CAMTA1: variants seen among roughly 807,000 people sequenced by gnomAD.
CAMTA1 encodes calmodulin-binding transcription activator 1.
CAMTA1 carries 27 observed loss-of-function variants against 170.9 expected under a neutral mutation model. The observed-to-expected ratio is 0.16, with a 90% confidence interval of 0.12 to 0.22. CAMTA1 has a LOEUF of 0.22. CAMTA1 is among the 10% of genes least tolerant of loss of function. The pLI is 1.00. For synonymous variants in CAMTA1, 833 were observed against 891.5 expected (o/e 0.93, Z 1.17); for missense variants, 1,619 against 2,217.2 (o/e 0.73, Z 5.42).
At chr1:7,411,697 G>C (rs2090770989) in intron 5 of CAMTA1, among the ~76,000 whole-genome samples, 1 of 152,096 alleles carries the variant, frequency 6.6e-6, no homozygotes, top group Non-Finnish European at 1.5e-5. Flanking sequence ...CTCAACAAAT[G>C]TGGCTGAATG....
At chr1:7,165,460 C>T (rs367762961) in intron 4 of CAMTA1, among the ~76,000 whole-genome samples, 81 of 152,220 alleles carry the variant, frequency 5.3e-4, no homozygotes, top group African/African-American at 1.8e-3. Context: ...GAGACGGAGT[C>T]TCACTCTGTC....
At chr1:6,787,771 GCCTGCCCATACGCA>G (rs1347822732) in intron 1 of CAMTA1, among the ~76,000 whole-genome samples, 21 of 152,358 alleles carry the variant, frequency 1.4e-4, no homozygotes, top group Admixed American at 1.3e-3. Flanking sequence ...AGCGTACAGT[GCCTGCCCATACGCA>G]TCGCAACTTT....
At chr1:7,730,133 C>T (rs187929460) in intron 11 of CAMTA1, among the ~76,000 whole-genome samples, 11 of 152,258 alleles carry the variant, frequency 7.2e-5, no homozygotes, top group African/African-American at 2.6e-4. Context: ...GATTAACAGC[C>T]CTCTGAGGTA....
intron 1 of CAMTA1, among the ~76,000 whole-genome samples, chr1:6,813,011 G>T (rs1645366617): frequency 6.6e-6 from 1 of 152,184 alleles, no homozygotes; most frequent in South Asian, 2.1e-4. Flanking sequence ...TAGGAAGTCG[G>T]CTACCTACCA....
chr1:6,920,017 AAATC>A (rs1367901078), intron 3 of CAMTA1, among the ~76,000 whole-genome samples: 1 of 152,148 alleles, frequency 6.6e-6, no homozygotes. Context: ...TTACATTTCA[AAATC>A]AATCATGCCA....
At chr1:7,027,358 G>A (rs1702161219) in intron 3 of CAMTA1, among the ~76,000 whole-genome samples, 1 of 152,094 alleles carries the variant, frequency 6.6e-6, no homozygotes, top group Non-Finnish European at 1.5e-5. Flanking sequence ...AATTAAGGTC[G>A]AAGCCTGAAA....
At chr1:7,606,778 A>C (rs1042225084) in intron 6 of CAMTA1, among the ~76,000 whole-genome samples, 3 of 152,188 alleles carry the variant, frequency 2.0e-5, no homozygotes, top group Admixed American at 2.0e-4. Flanking sequence ...ATGAGAGAGG[A>C]CAGCGCCAGC....
rs916597119 is a variant in CAMTA1 at position 7,732,719 on chromosome 1, G to A, written c.3066+120G>A. On this transcript the variant is annotated intron_variant, in intron 12 of 22. Coordinates refer to ENST00000303635, the MANE Select transcript of CAMTA1 (RefSeq NM_015215.4). This position sits in a 1 kb window ranked among gnomAD's most constrained non-coding sequence, Gnocchi z 4.1. Reference sequence around the variant, plus strand: ...ATGCGGTCCCTGTATTCAGGCAGAAGGCCTGAGGGAGTACTTTACGGTACC... The same window carrying A: ...ATGCGGTCCCTGTATTCAGGCAGAAAGCCTGAGGGAGTACTTTACGGTACC... 3.8e-5 allele frequency: 51 copies of A among 1,339,724 alleles called. No individual in the cohort carries two copies. The highest frequency in any genetic ancestry group is 4.8e-5 in the Non-Finnish European group (48 of 998,448). 83.0% of individuals were successfully genotyped at this position (1,339,724 alleles called of 1,614,324 possible).
chr1:7,076,825 C>T (rs1179203585), intron 3 of CAMTA1, among the ~76,000 whole-genome samples: 1 of 152,214 alleles, frequency 6.6e-6, no homozygotes, highest in Non-Finnish European at 1.5e-5. Context: ...CCGACCTCTA[C>T]TCCTCTTCAA....
intron 4 of CAMTA1, among the ~76,000 whole-genome samples, chr1:7,155,894 A>G (rs1470699719): frequency 6.6e-6 from 1 of 152,076 alleles, no homozygotes; most frequent in Non-Finnish European, 1.5e-5. Flanking sequence ...GCATTTCTTC[A>G]TTCATTCAGT....
At chr1:7,617,852 A>G (rs1269630426) in intron 6 of CAMTA1, among the ~76,000 whole-genome samples, 1 of 152,134 alleles carries the variant, frequency 6.6e-6, no homozygotes, top group Non-Finnish European at 1.5e-5. Context: ...CCAAGAGCCC[A>G]TTTCCTCAGC....
chr1:6,858,564 TTAAA>T (rs1323775022), intron 3 of CAMTA1, among the ~76,000 whole-genome samples: 3 of 152,012 alleles, frequency 2.0e-5, no homozygotes, highest in South Asian at 2.1e-4. Context: ...TGGTTATATA[TTAAA>T]TAAGTTAAAT....
At chr1:7,340,564 C>CCCTCCCTCCCTT (rs1296158393) in intron 5 of CAMTA1, among the ~76,000 whole-genome samples, 1 of 143,488 alleles carries the variant, frequency 7.0e-6, no homozygotes, top group African/African-American at 2.6e-5. Context: ...CTCCCTCCCT[C>CCCTCCCTCCCTT]CCTTCCTTCC....
intron 3 of CAMTA1, among the ~76,000 whole-genome samples, chr1:6,941,747 T>C (rs1350475517): frequency 1.3e-5 from 2 of 152,192 alleles, no homozygotes; most frequent in African/African-American, 4.8e-5. Flanking sequence ...GCAGTGCAGG[T>C]GACCTCTGGA....
chr1:7,203,564 T>A (rs922203841), intron 4 of CAMTA1, among the ~76,000 whole-genome samples: 1 of 151,378 alleles, frequency 6.6e-6, no homozygotes, highest in African/African-American at 2.4e-5. Flanking sequence ...AGACCATCTA[T>A]TTTTTTTCTT....
At chr1:6,793,546 T>C (rs1210482231) in intron 1 of CAMTA1, among the ~76,000 whole-genome samples, 2 of 152,206 alleles carry the variant, frequency 1.3e-5, no homozygotes, top group Non-Finnish European at 2.9e-5. Flanking sequence ...GCCTGTGCAT[T>C]GTGCAGTGAT....
chr1:7,583,173 C>G (rs768185397), intron 6 of CAMTA1, among the ~76,000 whole-genome samples: 15 of 152,086 alleles, frequency 9.9e-5, no homozygotes, highest in Non-Finnish European at 1.6e-4. Context: ...ATCCCTTCCC[C>G]AACCTGCCCA....
intron 6 of CAMTA1, among the ~76,000 whole-genome samples, chr1:7,579,849 C>T (rs987762946): frequency 4.6e-5 from 7 of 152,192 alleles, no homozygotes; most frequent in African/African-American, 7.2e-5. Context: ...CGTGAGCCAC[C>T]GCGCCCAGCC....
chr1:7,613,294 G>A (rs528607973), intron 6 of CAMTA1, among the ~76,000 whole-genome samples: 11 of 152,328 alleles, frequency 7.2e-5, no homozygotes, highest in Admixed American at 5.2e-4. Flanking sequence ...ATCTGCTTAC[G>A]TTTTCAAGCC....
Sources: gnomAD v4.1 joint callset for allele counts (sites outside exome capture counted in the v4.1 genomes callset) on GRCh38, gnomAD v4.1.1 for gene constraint, Gnocchi (gnomAD v3.1) non-coding constraint, MANE v1.5 for transcripts, NCBI Gene and HGNC (gene_info 2026-07-23, HGNC 2026-07-21) for gene names.